CCDC134: variants seen among roughly 807,000 people sequenced by gnomAD.
CCDC134 encodes the protein coiled-coil domain-containing protein 134.
CCDC134 carries 27 observed loss-of-function variants against 25.6 expected under a neutral mutation model. The ratio of observed to expected loss-of-function variants is 1.05; its 90% CI spans 0.78 to 1.45. CCDC134 has a LOEUF of 1.45. CCDC134 is among the 40% of genes most tolerant of loss of function. The probability of loss-of-function intolerance (pLI) is 0.00; values close to 1 mark genes in which losing one functional copy is unlikely to be tolerated. For missense variants in CCDC134, 261 were observed against 286.7 expected, an observed-to-expected ratio of 0.91 and a Z score of 0.65; for synonymous variants, 110 against 115.0, an observed-to-expected ratio of 0.96 and a Z score of 0.28.
rs556634594 is a variant in CCDC134 at position 41,828,668 on chromosome 22, A to T, written c.*2845A>T. ...CTGAGTCTTACTGCAGACAGAGCCC[A>T]CCCCCTGAGCTGTAAAGGCCCTAGG... is the stretch of plus-strand genomic sequence containing the variant. On this transcript the variant is annotated 3_prime_UTR_variant, in exon 7 of 7. Coordinates refer to ENST00000255784, the MANE Select transcript of CCDC134 (RefSeq NM_024821.5). Among the ~76,000 whole-genome samples, 22 of 151,768 alleles carry T rather than the reference A, an allele frequency of 1.4e-4. No individual in the cohort carries two copies. Among genetic ancestry groups the T allele is most frequent in the Non-Finnish European group, 3.1e-4 (21 of 67,994 alleles).
chr22:41,802,731 G>A (rs1208294495), intron 1 of CCDC134, among the ~76,000 whole-genome samples: 3 of 152,002 alleles, frequency 2.0e-5, no homozygotes, highest in Admixed American at 6.6e-5. Flanking sequence ...TGGCTAACAC[G>A]GTGAAACCCC....
At chr22:41,824,391 A>G (rs1214977955) in intron 6 of CCDC134, among the ~76,000 whole-genome samples, 1 of 151,848 alleles carries the variant, frequency 6.6e-6, no homozygotes. Context: ...GGACCTGCAG[A>G]TACACCATGT....
In CCDC134 at chr22:41,829,958, GA is replaced by G. The variant is rs888886568; in HGVS notation, c.*4136del. On this transcript the variant is annotated 3_prime_UTR_variant, in exon 7 of 7. Transcript: ENST00000255784. ...CCAGCTAATTTTTGTATTTTCAGTA[GA>G]GATGGGTTTCACCATATTGGCCAGG... 2.8e-4 allele frequency among the ~76,000 whole-genome samples: 43 copies of G among 152,098 alleles called. No homozygotes were observed. Among genetic ancestry groups the G allele is most frequent in the Admixed American group, 2.5e-3 (38 of 15,268 alleles).
intron 6 of CCDC134, among the ~76,000 whole-genome samples, chr22:41,823,807 G>A (rs2076663459): frequency 6.6e-6 from 1 of 152,184 alleles, no homozygotes; most frequent in Non-Finnish European, 1.5e-5. Flanking sequence ...TCTTTGGGAT[G>A]TGGGAAGAAA....
intron 1 of CCDC134, among the ~76,000 whole-genome samples, chr22:41,801,561 T>C (rs2076543851): frequency 6.6e-6 from 1 of 152,146 alleles, no homozygotes; most frequent in Non-Finnish European, 1.5e-5. Flanking sequence ...TTGGTAACAT[T>C]GGGGAGTTGT....
At chr22:41,802,640 C>T (rs973256472) in intron 1 of CCDC134, among the ~76,000 whole-genome samples, 5 of 152,202 alleles carry the variant, frequency 3.3e-5, no homozygotes, top group African/African-American at 9.6e-5. Context: ...AACATCCGGG[C>T]GCGGTGGCTC....
At position 41,825,690 on chromosome 22, in the gene CCDC134, C is replaced by T. The variant is rs773612225; in HGVS notation, c.565-8C>T. The T allele has an allele frequency of 6.2e-7, 1 of 1,613,994 alleles. No homozygotes were observed. On this transcript the variant is annotated splice_polypyrimidine_tract_variant and splice_region_variant and intron_variant, in intron 6 of 6. Transcript: ENST00000255784. This position sits in a 1 kb window ranked among gnomAD's most constrained non-coding sequence, Gnocchi z 4.4. ...GACTAAATCAGACTGCTCTTCTCTT[C>T]CCTTCAGTTCATTCCCAGCACTGAC...
At position 41,813,765 on chromosome 22, in the gene CCDC134, G is replaced by A. The variant is rs1308965887; in HGVS notation, c.507G>A (p.Leu169=). 1.9e-6 allele frequency: 3 copies of A among 1,614,152 alleles called. No homozygotes were observed. ...TTCATCTGCAGATGGCCCAGGAGCT[G>A]GGGATCAGTGAGAAAGACTCCAACT... ...SPILSLMAQE[L]GISEKDSNFQ... Residue 169 remains leucine, a synonymous_variant, in exon 6 of 7, where the codon CTG becomes CTA. Coordinates refer to ENST00000255784, the MANE Select transcript of CCDC134 (RefSeq NM_024821.5).
At chr22:41,820,000 A>ATATTTTT (rs2076642804) in intron 6 of CCDC134, among the ~76,000 whole-genome samples, 1 of 67,670 alleles carries the variant, frequency 1.5e-5, no homozygotes. Context: ...TATATATATA[A>ATATTTTT]TTTTTTTTTT....
In CCDC134 at chr22:41,825,788, G is replaced by C; in HGVS notation, c.655G>C (p.Gly219Arg). 2 of 1,614,202 alleles carry C rather than the reference G, an allele frequency of 1.2e-6. No individual in the cohort carries two copies. The highest frequency in any genetic ancestry group is 1.7e-6 in the Non-Finnish European group (2 of 1,180,020). The stretch of plus-strand genomic sequence containing the variant: ...GGAGAAGCGGAAGGAGATCCGAAAA[G>C]GCCCAAGGATCTCCAGATCCCAGTC... ...KEEKRKEIRKGPRISRSQSEL is the reference protein window; with the variant it reads ...KEEKRKEIRKRPRISRSQSEL The change falls in exon 7 of 7, where the codon GGC becomes CGC. Residue 219 changes from glycine (G) to arginine (R), a missense_variant. Physicochemically the swap from Gly to Arg is moderately radical, Grantham distance 125 (BLOSUM62 -2). Coordinates refer to ENST00000255784, the MANE Select transcript of CCDC134 (RefSeq NM_024821.5). This position sits in a 1 kb window ranked among gnomAD's most constrained non-coding sequence, Gnocchi z 4.4.
intron 1 of CCDC134, among the ~76,000 whole-genome samples, chr22:41,803,307 G>C (rs1222290243): frequency 6.6e-6 from 1 of 152,110 alleles, no homozygotes; most frequent in Non-Finnish European, 1.5e-5. Context: ...CAGCAAGGGA[G>C]GTTTGGAAGG....
At chr22:41,816,433 G>T (rs1342696670) in intron 6 of CCDC134, among the ~76,000 whole-genome samples, 1 of 152,228 alleles carries the variant, frequency 6.6e-6, no homozygotes, top group East Asian at 1.9e-4. Flanking sequence ...CAGCAGAATA[G>T]CTCAGTACTG....
rs35455197 is a variant in CCDC134, at chr22:41,826,690, C to T, written c.*867C>T. 6.3e-3 allele frequency among the ~76,000 whole-genome samples: 958 copies of T among 152,298 alleles called. 5 individuals carry two copies. The highest frequency in any genetic ancestry group is 0.011 in the Non-Finnish European group (728 of 68,012). On this transcript the variant is annotated 3_prime_UTR_variant, in exon 7 of 7. Transcript: ENST00000255784. ...CGCAGCCCTGCAGGAGGCCGTGCTC[C>T]GCAATGGCTGCCCTAAGCTGCATGG...
At chr22:41,819,996 T>TATATATAA (rs1019930583) in intron 6 of CCDC134, among the ~76,000 whole-genome samples, 7 of 132,396 alleles carry the variant, frequency 5.3e-5, no homozygotes, top group African/African-American at 1.8e-4. Flanking sequence ...TATATATATA[T>TATATATAA]ATAATTTTTT....
intron 6 of CCDC134, among the ~76,000 whole-genome samples, chr22:41,821,125 C>T (rs932460753): frequency 5.9e-5 from 9 of 152,010 alleles, no homozygotes; most frequent in Admixed American, 1.3e-4. Flanking sequence ...GTGTGTCAGA[C>T]GCTGCTGGGA....
chr22:41,812,696 T>C (rs1247452118), intron 4 of CCDC134, among the ~76,000 whole-genome samples: 1 of 151,984 alleles, frequency 6.6e-6, no homozygotes, highest in African/African-American at 2.4e-5. Flanking sequence ...CTTAAGCACT[T>C]AAAATGAAAT....
chr22:41,801,752 G>A (rs1322280697), intron 1 of CCDC134, among the ~76,000 whole-genome samples: 2 of 152,138 alleles, frequency 1.3e-5, no homozygotes, highest in Non-Finnish European at 2.9e-5. Context: ...CTAGAACAGT[G>A]CCTAGAGTGT....
intron 6 of CCDC134, among the ~76,000 whole-genome samples, chr22:41,816,655 G>T (rs757789976): frequency 6.6e-6 from 1 of 152,138 alleles, no homozygotes; most frequent in South Asian, 2.1e-4. Context: ...CAGGATTATT[G>T]CTATAAAATC....
Position 41,829,371 on chromosome 22 carries a change from A to C in CCDC134, c.*3548A>C, listed in dbSNP as rs555773312. On this transcript the variant is annotated 3_prime_UTR_variant, in exon 7 of 7. Coordinates refer to ENST00000255784, the MANE Select transcript of CCDC134 (RefSeq NM_024821.5). The stretch of plus-strand genomic sequence containing the variant: ...CCCGTTTGCATGAAGTTTTTTATGG[A>C]GCTGTTTCTATTTTCTTTTTGGGCA... 3.3e-5 allele frequency among the ~76,000 whole-genome samples: 5 copies of C among 152,170 alleles called. No homozygotes were observed. The highest frequency in any genetic ancestry group is 1.2e-4 in the African/African-American group (5 of 41,508).
Sources: allele counts gnomAD v4.1 joint callset (sites outside exome capture counted in the v4.1 genomes callset), GRCh38; gene constraint gnomAD v4.1.1; non-coding constraint Gnocchi (gnomAD v3.1); transcripts MANE v1.5; gene names NCBI Gene and HGNC (gene_info 2026-07-23, HGNC 2026-07-21).